The following KDM3A variants were observed in gnomAD, a reference collection of about 807,000 sequenced individuals.
The protein encoded by KDM3A is lysine demethylase 3A.
A neutral mutation model predicts 158.0 loss-of-function variants in KDM3A; 60 were observed. The observed-to-expected ratio is 0.38, with a 90% confidence interval of 0.31 to 0.47. KDM3A has a LOEUF of 0.47. Ranked by LOEUF, KDM3A falls within the 20% of genes least tolerant of loss-of-function variation. KDM3A has a pLI of 0.99. For missense variants in KDM3A, 1,319 were observed against 1,574.3 expected, an observed-to-expected ratio of 0.84 and a Z score of 2.74; for synonymous variants, 608 against 549.3, an observed-to-expected ratio of 1.11 and a Z score of -1.49.
intron 15 of KDM3A, chr2:86,479,807 C>T (rs1673835930): frequency 5.8e-6 from 1 of 173,200 alleles, no homozygotes; most frequent in African/African-American, 2.4e-5. Flanking sequence ...TCGTTTTTAA[C>T]CATGTTTTCT....
At chr2:86,443,133 C>G (rs753167603) in intron 2 of KDM3A, 8 of 152,214 alleles carry the variant, frequency 5.3e-5, no homozygotes, top group Non-Finnish European at 1.0e-4. Context: ...AGGTTCCTAA[C>G]AAAGACTCCA....
At chr2:86,487,001 G>A (rs1573211379) in intron 21 of KDM3A, 2 of 152,318 alleles carry the variant, frequency 1.3e-5, no homozygotes, top group Admixed American at 1.3e-4. Context: ...TCCATGTGCT[G>A]TGGGTCTGCA....
intron 9 of KDM3A, 91 bp downstream of exon 9, chr2:86,464,307 A>G: frequency 5.9e-6 from 6 of 1,015,258 alleles, no homozygotes; most frequent in Non-Finnish European, 8.1e-6. Context: ...TTGTCCAGGG[A>G]GGTTTTTCGT....
intron 21 of KDM3A, 40 bp from the exon 22 acceptor site, chr2:86,489,278 T>G: frequency 6.3e-7 from 1 of 1,599,410 alleles, no homozygotes; most frequent in Non-Finnish European, 8.5e-7. Flanking sequence ...TGGCAGCCTT[T>G]GTTGTCTTTT....
chr2:86,449,632 T>C (rs1295230370), intron 2 of KDM3A, among the ~76,000 whole-genome samples, 175 bp from the exon 3 acceptor site: 3 of 152,104 alleles, frequency 2.0e-5, no homozygotes, highest in African/African-American at 7.2e-5. Flanking sequence ...GCCTGGTTCA[T>C]GTGTGATTAT....
intron 2 of KDM3A, chr2:86,443,189 C>T (rs947521952): frequency 2.6e-5 from 4 of 152,212 alleles, no homozygotes; most frequent in African/African-American, 9.7e-5. Context: ...GAAGATATTT[C>T]CACCCTGCCT....
At chr2:86,478,790 T>G in intron 15 of KDM3A, 55 bp downstream of exon 15, 1 of 1,564,534 alleles carries the variant, frequency 6.4e-7, no homozygotes, top group Non-Finnish European at 8.7e-7. Flanking sequence ...TTTGTCTGTT[T>G]TTCAAATAAC....
intron 10 of KDM3A, among the ~76,000 whole-genome samples, chr2:86,469,456 T>A (rs1673305006): frequency 6.6e-6 from 1 of 152,256 alleles, no homozygotes; most frequent in Non-Finnish European, 1.5e-5. Context: ...TACTTTGTTA[T>A]TTTCTCTGAC....
At chr2:86,477,015 C>G (rs1280599154) in intron 12 of KDM3A, among the ~76,000 whole-genome samples, 1 of 152,152 alleles carries the variant, frequency 6.6e-6, no homozygotes, top group Non-Finnish European at 1.5e-5. Context: ...GAAATGTCCT[C>G]CCTTTGCTCA....
chr2:86,451,700 A>G (rs996101751), intron 4 of KDM3A, among the ~76,000 whole-genome samples: 37 of 152,122 alleles, frequency 2.4e-4, no homozygotes, highest in African/African-American at 8.0e-4. Context: ...TGACTGCTCT[A>G]ATTTAAATAC....
At chr2:86,470,962 ATCT>A (rs1345496585) in intron 11 of KDM3A, among the ~76,000 whole-genome samples, 1 of 152,286 alleles carries the variant, frequency 6.6e-6, no homozygotes, top group South Asian at 2.1e-4. Flanking sequence ...TGCAGAAATG[ATCT>A]TCTTGTCCAT....
At chr2:86,491,330 C>T in intron 25 of KDM3A, 55 bp downstream of exon 25, 1 of 1,546,098 alleles carries the variant, frequency 6.5e-7, no homozygotes, top group Non-Finnish European at 8.9e-7. Context: ...GCTTCATGGC[C>T]CATTCTTCAC....
intron 5 of KDM3A, among the ~76,000 whole-genome samples, chr2:86,455,592 AAAT>A (rs1483753522): frequency 6.6e-6 from 1 of 152,114 alleles, no homozygotes; most frequent in Non-Finnish European, 1.5e-5. Flanking sequence ...AAAATTCAAA[AAAT>A]GTGTGTGTTG....
At chr2:86,439,749 T>C (rs1033404692), upstream of KDM3A, among the ~76,000 whole-genome samples, 4 of 152,180 alleles carry the variant, frequency 2.6e-5, no homozygotes, top group African/African-American at 9.6e-5. Flanking sequence ...GGCCATGTTT[T>C]TAGATTCATA....
chr2:86,452,674 T>C (rs1672519512), intron 4 of KDM3A, among the ~76,000 whole-genome samples: 2 of 152,176 alleles, frequency 1.3e-5, no homozygotes, highest in African/African-American at 4.8e-5. Context: ...CTTGTTTCTT[T>C]GGGGTATAGA....
chr2:86,454,282 T>G (rs566355410), intron 4 of KDM3A, among the ~76,000 whole-genome samples: 1 of 152,326 alleles, frequency 6.6e-6, no homozygotes, highest in African/African-American at 2.4e-5. Context: ...GGTTTTGGCC[T>G]AGGTAACCAG....
chr2:86,485,164 T>G, intron 20 of KDM3A, 135 bp downstream of exon 20: 1 of 605,494 alleles, frequency 1.7e-6, no homozygotes. Context: ...ATTTTTCATT[T>G]CTAGTCTGTA....
At chr2:86,449,371 G>A (rs1047054398) in intron 2 of KDM3A, among the ~76,000 whole-genome samples, 1 of 152,176 alleles carries the variant, frequency 6.6e-6, no homozygotes, top group South Asian at 2.1e-4. Flanking sequence ...GGTGGATTGT[G>A]GTGATGGGGG....
At chr2:86,450,990 TAAA>T in intron 3 of KDM3A, 110 bp from the exon 4 acceptor site, 1 of 610,666 alleles carries the variant, frequency 1.6e-6, no homozygotes, top group South Asian at 2.4e-5. Context: ...TTGCAGTAAA[TAAA>T]AAAAATTAGT....
Sources: allele counts gnomAD v4.1 joint callset (sites outside exome capture counted in the v4.1 genomes callset), GRCh38; gene constraint gnomAD v4.1.1; transcripts MANE v1.5; gene names NCBI Gene and HGNC (gene_info 2026-07-23, HGNC 2026-07-21).